Variants in CSMD2 observed in about 807,000 individuals in gnomAD.
The protein encoded by CSMD2 is CUB and sushi domain-containing protein 2.
CSMD2 carries 130 observed loss-of-function variants against 398.5 expected under a neutral mutation model. The observed-to-expected ratio is 0.33, with a 90% CI of 0.28 to 0.38. CSMD2 has a LOEUF of 0.38. Ranked by LOEUF, CSMD2 falls within the 10% of genes least tolerant of loss-of-function variation. The pLI, the probability that CSMD2 is intolerant of heterozygous loss-of-function variation, is 1.00. For missense variants in CSMD2, 3,829 were observed against 4,764.9 expected (o/e 0.80, Z 5.78); for synonymous variants, 1,828 against 1,908.5 (o/e 0.96, Z 1.10).
chr1:33,628,668 C>CAAA (rs35461345), intron 32 of CSMD2, among the ~76,000 whole-genome samples: 2 of 83,994 alleles, frequency 2.4e-5, no homozygotes, highest in Admixed American at 1.3e-4. Context: ...GACTCTGTCT[C>CAAA]AAAAAAAAAA....
chr1:33,982,818 G>A (rs778725426), intron 3 of CSMD2, among the ~76,000 whole-genome samples: 22 of 152,236 alleles, frequency 1.4e-4, no homozygotes, highest in Non-Finnish European at 2.9e-4. Flanking sequence ...TGGCAAAGAT[G>A]TGGGTGAAGG....
intron 1 of CSMD2, among the ~76,000 whole-genome samples, chr1:34,106,749 A>G (rs566485246): frequency 3.7e-4 from 56 of 152,220 alleles, no homozygotes; most frequent in African/African-American, 1.3e-3. Context: ...AAGGCACAAA[A>G]CAATGCATGG....
At chr1:34,165,757 T>C (rs144479064), upstream of CSMD2, 87 of 1,613,840 alleles carry the variant, frequency 5.4e-5, no homozygotes, top group Non-Finnish European at 6.9e-5. Flanking sequence ...CAGCTGATCT[T>C]GGGTGGTGGC....
intron 53 of CSMD2, among the ~76,000 whole-genome samples, chr1:33,561,453 C>T (rs1263264287): frequency 6.6e-6 from 1 of 152,186 alleles, no homozygotes; most frequent in Non-Finnish European, 1.5e-5. Flanking sequence ...CACAGGGTTG[C>T]TTTGAAAATA....
intron 28 of CSMD2, among the ~76,000 whole-genome samples, chr1:33,648,778 G>T (rs898756476): frequency 6.6e-6 from 1 of 152,122 alleles, no homozygotes; most frequent in Admixed American, 6.6e-5. Flanking sequence ...TTTTTCAAGA[G>T]TTTCAATGGG....
At position 33,672,481 on chromosome 1, in the gene CSMD2, G is replaced by C. The variant is rs570382766; in HGVS notation, c.4053-9389C>G. ...GCAGCTGGGAAGCTCGAACTGGATGGAGCCCACCACAGCTCAAGGAGCCCT... is the reference window on the plus strand; with the variant it reads ...GCAGCTGGGAAGCTCGAACTGGATGCAGCCCACCACAGCTCAAGGAGCCCT... On this transcript the variant is annotated intron_variant, in intron 25 of 70. Transcript: ENST00000373381. Among the ~76,000 whole-genome samples the C allele has an allele frequency of 6.0e-4, 92 of 152,320 alleles. 6 individuals carry two copies. The highest frequency in any genetic ancestry group is 1.7e-3 in the African/African-American group (71 of 41,576).
chr1:33,535,676 A>C (rs951862178), intron 62 of CSMD2, among the ~76,000 whole-genome samples: 1 of 152,002 alleles, frequency 6.6e-6, no homozygotes, highest in Non-Finnish European at 1.5e-5. Context: ...ACCTAGCCTC[A>C]CTCTTGACTA....
chr1:33,600,263 A>G, intron 44 of CSMD2: 1 of 683,616 alleles, frequency 1.5e-6, no homozygotes, highest in Non-Finnish European at 2.7e-6. Context: ...AAATATGTGC[A>G]TCATTCCATA....
At chr1:33,813,173 T>G (rs976396279) in intron 9 of CSMD2, 36 of 152,224 alleles carry the variant, frequency 2.4e-4, no homozygotes, top group African/African-American at 8.7e-4. Context: ...ATTTGCAGTC[T>G]GTTGAAACAT....
chr1:33,633,400 A>T lies in CSMD2; in HGVS notation c.5200+22T>A, dbSNP rs2148908065. On this transcript the variant is annotated intron_variant, in intron 32 of 70. Transcript: ENST00000373381. The surrounding 1 kb of genome is among the most constrained non-coding windows in gnomAD (Gnocchi z 5.0). ...ATGCCCCCGGCCCACAACCATCCCCACACTGGCCGAGCCCCGGATACCTGT... is the reference window on the plus strand; with the variant it reads ...ATGCCCCCGGCCCACAACCATCCCCTCACTGGCCGAGCCCCGGATACCTGT... 6.5e-7 allele frequency: 1 copy of T among 1,527,890 alleles called. No homozygotes were observed. The highest frequency in any genetic ancestry group is 2.1e-4 in the Middle Eastern group (1 of 4,762). 94.6% of individuals were successfully genotyped at this position (1,527,890 alleles called of 1,614,324 possible). A position where few individuals can be genotyped will look rare whatever the true frequency, so the allele number is the denominator to read the frequency against.
At chr1:33,532,220 G>T (rs1655305520) in intron 64 of CSMD2, among the ~76,000 whole-genome samples, 2 of 152,146 alleles carry the variant, frequency 1.3e-5, no homozygotes, top group African/African-American at 4.8e-5. Flanking sequence ...GGGGACCTTG[G>T]ACACATTAAT....
intron 5 of CSMD2, chr1:33,864,345 A>G (rs754145711): frequency 6.2e-7 from 1 of 1,614,108 alleles, no homozygotes; most frequent in Non-Finnish European, 8.5e-7. Flanking sequence ...ATGGAGATCC[A>G]TCTCAAAGCA....
intron 14 of CSMD2, among the ~76,000 whole-genome samples, chr1:33,742,247 C>T (rs1647092588): frequency 6.6e-6 from 1 of 152,168 alleles, no homozygotes; most frequent in Non-Finnish European, 1.5e-5. Flanking sequence ...AATCGGGGGA[C>T]CCAAATGGCC....
At chr1:34,094,882 T>C (rs1659094445) in intron 1 of CSMD2, among the ~76,000 whole-genome samples, 1 of 149,712 alleles carries the variant, frequency 6.7e-6, no homozygotes, top group South Asian at 2.2e-4. Context: ...TACCCAGGAA[T>C]TGAACTCAGC....
chr1:34,139,792 G>A (rs1021458582), intron 1 of CSMD2, among the ~76,000 whole-genome samples: 1 of 152,200 alleles, frequency 6.6e-6, no homozygotes, highest in South Asian at 2.1e-4. Flanking sequence ...CTGGAGCACT[G>A]AGTACATCTT....
chr1:33,595,145 G>T (rs1580676), intron 44 of CSMD2, among the ~76,000 whole-genome samples: 1 of 152,180 alleles, frequency 6.6e-6, no homozygotes, highest in African/African-American at 2.4e-5. Context: ...ATCCAGTTCA[G>T]AATCACATGT....
At chr1:33,954,834 C>G (rs1341650841) in intron 3 of CSMD2, among the ~76,000 whole-genome samples, 3 of 151,986 alleles carry the variant, frequency 2.0e-5, no homozygotes, top group Admixed American at 6.6e-5. Context: ...TTAGTACAGA[C>G]TAAAGGGTCA....
intron 2 of CSMD2, among the ~76,000 whole-genome samples, chr1:34,071,480 C>T (rs1655729989): frequency 6.6e-6 from 1 of 152,240 alleles, no homozygotes; most frequent in South Asian, 2.1e-4. Context: ...GTGGGTTCTG[C>T]TCCATGCAGT....
In CSMD2 at chr1:33,964,259, T is replaced by G. The variant is rs552659168; in HGVS notation, c.518-28305A>C. ...GACTTAACCTCTCTATGTCTCAATGTGTTCAGCTATAACATGGAGATGATA... is the reference window on the plus strand; with the variant it reads ...GACTTAACCTCTCTATGTCTCAATGGGTTCAGCTATAACATGGAGATGATA... On this transcript the variant is annotated intron_variant, in intron 3 of 70. Transcript: ENST00000373381. Among the ~76,000 whole-genome samples, 68 of 152,274 alleles carry G rather than the reference T, an allele frequency of 4.5e-4. 1 individual carries two copies. In the Middle Eastern group the frequency reaches 0.02, roughly 46 times the overall value.
Sources: gnomAD v4.1 joint callset for allele counts (sites outside exome capture counted in the v4.1 genomes callset) on GRCh38, gnomAD v4.1.1 for gene constraint, Gnocchi (gnomAD v3.1) non-coding constraint, MANE v1.5 for transcripts, NCBI Gene and HGNC (gene_info 2026-07-23, HGNC 2026-07-21) for gene names.